The following PARP16 variants were observed in gnomAD, a reference collection of about 807,000 sequenced individuals.
PARP16 encodes the protein poly(ADP-ribose) polymerase family member 16.
Under a neutral mutation model 35.0 loss-of-function variants are expected in PARP16, and 31 were observed. The ratio of observed to expected loss-of-function variants is 0.88; its 90% CI spans 0.66 to 1.19. The LOEUF (loss-of-function observed/expected upper bound fraction) is 1.19. Ranked by LOEUF, PARP16 falls within the 50% of genes most tolerant of loss-of-function variation. The pLI is 0.00. For missense variants in PARP16, 424 were observed against 411.2 expected (o/e 1.03, Z -0.27); for synonymous variants, 162 against 169.5 (o/e 0.96, Z 0.34).
In PARP16 at chr15:65,286,312, C is replaced by G; in HGVS notation, c.115G>C (p.Val39Leu). Reference protein sequence around the residue: ...SALQSYKRDSVLRPFPASYAR... With the variant: ...SALQSYKRDSLLRPFPASYAR... ...TAGGACGCGGGGAAGGGCCGCAGCA[C>G]CGAGTCGCGCTTGTAGCTCTGCAGG... is the stretch of plus-strand genomic sequence containing the variant. The change falls in exon 1 of 6, where the codon GTG (valine) becomes CTG (leucine). Residue 39 changes from valine to leucine, a missense_variant. Transcript: ENST00000649807. 6.2e-7 allele frequency: 1 copy of G among 1,604,230 alleles called. No homozygotes were observed. Among genetic ancestry groups the G allele is most frequent in the Non-Finnish European group, 8.5e-7 (1 of 1,176,608 alleles).
intron 3 of PARP16, among the ~76,000 whole-genome samples, chr15:65,238,962 C>A (rs9635313): frequency 6.6e-6 from 1 of 152,046 alleles, no homozygotes. Flanking sequence ...GACCCTATTT[C>A]TACAAAAAAT....
At chr15:65,235,258 G>A (rs1282527559) in intron 3 of PARP16, among the ~76,000 whole-genome samples, 1 of 151,926 alleles carries the variant, frequency 6.6e-6, no homozygotes, top group Non-Finnish European at 1.5e-5. Context: ...AGTGAGCCGA[G>A]ATCGCGCCAC....
At chr15:65,283,771 T>C (rs1274644046) in intron 1 of PARP16, among the ~76,000 whole-genome samples, 1 of 152,146 alleles carries the variant, frequency 6.6e-6, no homozygotes, top group Non-Finnish European at 1.5e-5. Context: ...TAATCCTGTA[T>C]CCTTAGCACC....
chr15:65,237,849 C>T (rs1464609674), intron 3 of PARP16, among the ~76,000 whole-genome samples: 1 of 152,206 alleles, frequency 6.6e-6, no homozygotes, highest in Non-Finnish European at 1.5e-5. Flanking sequence ...TCTCAAGCTG[C>T]TCCTTCCTGA....
chr15:65,253,095 T>C (rs2089401430), downstream of PARP16, among the ~76,000 whole-genome samples: 1 of 147,396 alleles, frequency 6.8e-6, no homozygotes, highest in Non-Finnish European at 1.5e-5. Flanking sequence ...ATTGCACCAC[T>C]GCACCTCAGC....
downstream of PARP16, among the ~76,000 whole-genome samples, chr15:65,232,861 A>G (rs1205561961): frequency 2.0e-5 from 3 of 151,966 alleles, no homozygotes; most frequent in East Asian, 5.8e-4. Flanking sequence ...GTTCAAGACC[A>G]CCCTAGCCAA....
intron 1 of PARP16, among the ~76,000 whole-genome samples, chr15:65,277,266 C>G (rs2090287667): frequency 6.6e-6 from 1 of 152,172 alleles, no homozygotes; most frequent in Non-Finnish European, 1.5e-5. Context: ...GAAGCCTTCC[C>G]TGACCACCTA....
intron 1 of PARP16, among the ~76,000 whole-genome samples, chr15:65,280,726 G>C (rs951611812): frequency 6.6e-6 from 1 of 152,154 alleles, no homozygotes; most frequent in Non-Finnish European, 1.5e-5. Flanking sequence ...AGGACAGAGA[G>C]GAGCTTATAT....
intron 1 of PARP16, among the ~76,000 whole-genome samples, chr15:65,278,860 G>A (rs1352689104): frequency 6.6e-6 from 1 of 152,140 alleles, no homozygotes; most frequent in Non-Finnish European, 1.5e-5. Flanking sequence ...ATGAACCAAA[G>A]GTCTGCCAAG....
chr15:65,267,798 C>A (rs1400521620), intron 2 of PARP16, among the ~76,000 whole-genome samples: 5 of 141,826 alleles, frequency 3.5e-5, no homozygotes, highest in African/African-American at 1.3e-4. Context: ...TTAAGCAATT[C>A]TCTGCCTCAG....
chr15:65,281,052 C>A (rs1041047001), intron 1 of PARP16, among the ~76,000 whole-genome samples: 3 of 152,106 alleles, frequency 2.0e-5, no homozygotes, highest in African/African-American at 7.2e-5. Context: ...GCAGCGAGGG[C>A]CTGGAGCTAA....
chr15:65,251,590 G>T (rs1249944505), intron 2 of PARP16, among the ~76,000 whole-genome samples: 1 of 144,568 alleles, frequency 6.9e-6, no homozygotes, highest in Non-Finnish European at 1.5e-5. Flanking sequence ...GAAAATGCAA[G>T]TCTCTTTCCC....
At chr15:65,241,223 C>T (rs551787004) in intron 3 of PARP16, among the ~76,000 whole-genome samples, 151 of 151,590 alleles carry the variant, frequency 1.0e-3, no homozygotes, top group African/African-American at 3.5e-3. Context: ...TCACTGCAAC[C>T]TCTGCCTTCC....
intron 4 of PARP16, 98 bp downstream of exon 4, chr15:65,263,051 G>T: frequency 1.8e-6 from 2 of 1,128,064 alleles, no homozygotes; most frequent in Non-Finnish European, 2.6e-6. Context: ...CCCAACCCTT[G>T]GGCATGCAAT....
chr15:65,252,623 G>A (rs116662428), intron 2 of PARP16, among the ~76,000 whole-genome samples: 1 of 152,174 alleles, frequency 6.6e-6, no homozygotes, highest in Admixed American at 6.5e-5. Flanking sequence ...AATGGGGTTA[G>A]AGCAAAGTTT....
Position 65,259,346 on chromosome 15 carries a change from T to C in PARP16, c.*61A>G. ...CTGGCTGGACATGAGGCATAGGAGG[T>C]ACAGAACAAGTTACCATAAGGCACA... On this transcript the variant is annotated 3_prime_UTR_variant, in exon 6 of 6. Transcript: ENST00000649807. 6.3e-7 allele frequency: 1 copy of C among 1,578,154 alleles called. No homozygotes were observed. Among genetic ancestry groups the C allele is most frequent in the Non-Finnish European group, 8.7e-7 (1 of 1,149,834 alleles).
At chr15:65,242,741 G>A (rs935264012) in intron 3 of PARP16, among the ~76,000 whole-genome samples, 3 of 152,022 alleles carry the variant, frequency 2.0e-5, no homozygotes, top group East Asian at 3.9e-4. Context: ...TTGAGATGGA[G>A]TCCTGCTCGG....
In PARP16 at chr15:65,271,015, T is replaced by G; in HGVS notation, c.232A>C (p.Asn78His). The G allele has an allele frequency of 6.2e-7, 1 of 1,614,018 alleles. No homozygotes were observed. The highest frequency in any genetic ancestry group is 1.1e-5 in the South Asian group (1 of 91,078). Reference protein sequence around the residue: ...LKELLQSSGDNHKRAWDLVSW... With the variant: ...LKELLQSSGDHHKRAWDLVSW... Reference sequence around the variant, plus strand: ...ACCAGGTCCCAGGCCCGTTTGTGGTTGTCTCCGGAGGACTGGAGAAGTTCT... The same window carrying G: ...ACCAGGTCCCAGGCCCGTTTGTGGTGGTCTCCGGAGGACTGGAGAAGTTCT... The change falls in exon 2 of 6, where the codon AAC becomes CAC. Residue 78 changes from asparagine (N) to histidine (H), a missense_variant. Physicochemically the swap from Asn to His is moderately conservative, Grantham distance 68. Transcript: ENST00000649807.
At chr15:65,274,823 G>C (rs1188171134) in intron 1 of PARP16, among the ~76,000 whole-genome samples, 3 of 151,610 alleles carry the variant, frequency 2.0e-5, no homozygotes, top group Admixed American at 6.6e-5. Context: ...TGACTTAAAA[G>C]TATTCATTGT....
Sources: gnomAD v4.1 joint callset for allele counts (sites outside exome capture counted in the v4.1 genomes callset) on GRCh38, gnomAD v4.1.1 for gene constraint, MANE v1.5 for transcripts, NCBI Gene and HGNC (gene_info 2026-07-23, HGNC 2026-07-21) for gene names.